Variants in NRXN3 observed in about 807,000 individuals in gnomAD.
The protein encoded by NRXN3 is neurexin 3.
In NRXN3, 32 loss-of-function variants were observed where a neutral mutation model predicts 137.6. The ratio of observed to expected loss-of-function variants is 0.23; its 90% CI spans 0.18 to 0.31. The LOEUF (loss-of-function observed/expected upper bound fraction) is 0.31. Among genes scored for constraint, NRXN3 ranks in the 10% least tolerant of loss-of-function variants. The pLI is 1.00. For missense variants in NRXN3, 1,574 were observed against 2,062.5 expected (o/e 0.76, Z 4.59); for synonymous variants, 798 against 784.5 (o/e 1.02, Z -0.29).
chr14:78,876,465 G>C (rs2099114125), intron 10 of NRXN3, among the ~76,000 whole-genome samples: 2 of 152,168 alleles, frequency 1.3e-5, no homozygotes, highest in South Asian at 4.1e-4. Context: ...CCTCTAATTA[G>C]ATTCATAGTG....
rs569677687 is a variant in NRXN3, at chr14:78,195,196, C to T, written c.-704+24522C>T. Among the ~76,000 whole-genome samples, 20 of 152,038 alleles carry T rather than the reference C, an allele frequency of 1.3e-4. 1 individual carries two copies. In the East Asian group the frequency reaches 3.9e-3, roughly 29 times the overall value. On this transcript the variant is annotated intron_variant, in intron 1 of 20. Transcript: ENST00000335750. The stretch of plus-strand genomic sequence containing the variant: ...TCTCAGGGAAAGAAAGAAAAATTAA[C>T]CCGAAGAGGCCAGTATGAACCAGGC...
intron 6 of NRXN3, among the ~76,000 whole-genome samples, chr14:78,652,661 T>A (rs2097756276): frequency 6.6e-6 from 1 of 152,250 alleles, no homozygotes. Context: ...GTATATGAGA[T>A]GGCACTGTCC....
intron 15 of NRXN3, among the ~76,000 whole-genome samples, chr14:79,008,280 A>C (rs1037907405): frequency 6.6e-6 from 1 of 152,210 alleles, no homozygotes; most frequent in Non-Finnish European, 1.5e-5. Flanking sequence ...AAAAATTTCA[A>C]GCAAACATAA....
intron 4 of NRXN3, among the ~76,000 whole-genome samples, chr14:78,633,459 C>G (rs1347520608): frequency 2.0e-5 from 3 of 152,122 alleles, no homozygotes; most frequent in Non-Finnish European, 4.4e-5. Context: ...CCTCCCCACT[C>G]CCCTTCAACA....
chr14:79,089,711 A>G (rs2048804110), intron 15 of NRXN3, among the ~76,000 whole-genome samples: 1 of 152,022 alleles, frequency 6.6e-6, no homozygotes, highest in Admixed American at 6.6e-5. Context: ...GGAGACGATG[A>G]CTGCAGAACT....
At chr14:79,404,914 C>G (rs1276611481) in intron 15 of NRXN3, among the ~76,000 whole-genome samples, 1 of 152,080 alleles carries the variant, frequency 6.6e-6, no homozygotes, top group Non-Finnish European at 1.5e-5. Flanking sequence ...CACATATGCA[C>G]ACAGATAAAG....
At chr14:79,315,667 G>GT (rs1265733822) in intron 15 of NRXN3, among the ~76,000 whole-genome samples, 1 of 152,102 alleles carries the variant, frequency 6.6e-6, no homozygotes, top group Non-Finnish European at 1.5e-5. Flanking sequence ...AACTTATGTA[G>GT]TTTTTCCTAA....
chr14:78,564,817 T>A (rs1478262574), intron 4 of NRXN3, among the ~76,000 whole-genome samples: 1 of 152,158 alleles, frequency 6.6e-6, no homozygotes, highest in Non-Finnish European at 1.5e-5. Flanking sequence ...GGGGTCTCAG[T>A]CAGTATTCTC....
At position 79,486,317 on chromosome 14, in the gene NRXN3, A is replaced by G. The variant is rs188375650; in HGVS notation, c.3444+18915A>G. Among the ~76,000 whole-genome samples, 111 of 152,342 alleles carry G rather than the reference A, an allele frequency of 7.3e-4. 1 individual carries two copies. Among genetic ancestry groups the G allele is most frequent in the Non-Finnish European group, 1.1e-3 (78 of 68,028 alleles). On this transcript the variant is annotated intron_variant, in intron 16 of 20. Transcript: ENST00000335750. ...AAAATTAACTCTGCACCAATTAAAA[A>G]TATGTATATATGTATGTAGAATACA... is the stretch of plus-strand genomic sequence containing the variant.
intron 10 of NRXN3, among the ~76,000 whole-genome samples, chr14:78,818,751 A>G (rs963673124): frequency 1.3e-5 from 2 of 152,148 alleles, no homozygotes; most frequent in East Asian, 1.9e-4. Context: ...GTGTCATTTT[A>G]GGAATTTATA....
At chr14:79,477,345 T>C (rs1396167124) in intron 16 of NRXN3, among the ~76,000 whole-genome samples, 1 of 152,128 alleles carries the variant, frequency 6.6e-6, no homozygotes, top group Non-Finnish European at 1.5e-5. Flanking sequence ...TGGTCTCTGA[T>C]TCAAGGTCTA....
chr14:78,877,892 TA>T lies in NRXN3; in HGVS notation c.2275+67549del, dbSNP rs199638799. The stretch of plus-strand genomic sequence containing the variant: ...AGGAATTTAATGCAATTAAAATAAA[TA>T]GTTTCATCCCATAGAGGTTGCAGTT... On this transcript the variant is annotated intron_variant, in intron 10 of 20. Coordinates refer to ENST00000335750, the MANE Select transcript of NRXN3 (RefSeq NM_001330195.2). 8.9e-3 allele frequency among the ~76,000 whole-genome samples: 1,351 copies of T among 152,310 alleles called. 15 individuals carry two copies. Among genetic ancestry groups the T allele is most frequent in the African/African-American group, 0.031 (1,301 of 41,570 alleles).
At chr14:79,119,980 C>A (rs947828344) in intron 15 of NRXN3, among the ~76,000 whole-genome samples, 1 of 151,744 alleles carries the variant, frequency 6.6e-6, no homozygotes, top group African/African-American at 2.4e-5. Context: ...TTTATATTAC[C>A]ACTATGTTTT....
chr14:79,319,255 G>A (rs1004504040), intron 15 of NRXN3, among the ~76,000 whole-genome samples: 34 of 152,172 alleles, frequency 2.2e-4, no homozygotes, highest in African/African-American at 8.2e-4. Flanking sequence ...AGACAGAAGA[G>A]GGGACAGAAA....
At chr14:79,072,614 T>C (rs1845913472) in intron 15 of NRXN3, 1 of 151,624 alleles carries the variant, frequency 6.6e-6, no homozygotes, top group Non-Finnish European at 1.5e-5. Flanking sequence ...CCTGTAACCT[T>C]GAATGTATCA....
intron 8 of NRXN3, among the ~76,000 whole-genome samples, chr14:78,781,011 G>GA (rs546077385): frequency 2.0e-4 from 31 of 151,876 alleles, no homozygotes; most frequent in Middle Eastern, 3.4e-3. Context: ...CTTGTTATGT[G>GA]AAAAAAAATC....
chr14:78,986,126 G>A (rs1350075968), intron 14 of NRXN3, among the ~76,000 whole-genome samples: 1 of 152,042 alleles, frequency 6.6e-6, no homozygotes, highest in Non-Finnish European at 1.5e-5. Context: ...GCGTCTTTAG[G>A]ACCCTGTGTT....
At chr14:79,829,813 CT>C (rs145106560) in intron 20 of NRXN3, among the ~76,000 whole-genome samples, 18,352 of 149,912 alleles carry the variant, frequency 0.12, 1,420 homozygotes, top group South Asian at 0.23. Context: ...AATCCAATGA[CT>C]TTTTTTTTTA....
intron 15 of NRXN3, chr14:79,280,247 G>C: frequency 6.2e-7 from 1 of 1,609,162 alleles, no homozygotes; most frequent in African/African-American, 1.3e-5. Context: ...CTCCTCACTG[G>C]CTGGAATTCA....
Sources: gnomAD v4.1 joint callset for allele counts (sites outside exome capture counted in the v4.1 genomes callset) on GRCh38, gnomAD v4.1.1 for gene constraint, MANE v1.5 for transcripts, NCBI Gene and HGNC (gene_info 2026-07-23, HGNC 2026-07-21) for gene names.